Variants in PPP2R5C observed in about 807,000 individuals in gnomAD.
PPP2R5C encodes the protein serine/threonine-protein phosphatase 2A 56 kDa regulatory subunit gamma isoform.
Under a neutral mutation model 68.9 loss-of-function variants are expected in PPP2R5C, and 7 were observed. The ratio of observed to expected loss-of-function variants is 0.10; its 90% CI spans 0.06 to 0.19. PPP2R5C has a LOEUF of 0.19. PPP2R5C is among the 10% of genes least tolerant of loss of function. The probability of loss-of-function intolerance (pLI) is 1.00; values close to 1 mark genes in which losing one functional copy is unlikely to be tolerated. For missense variants in PPP2R5C, 348 were observed against 641.3 expected (o/e 0.54, Z 4.94); for synonymous variants, 210 against 222.2 (o/e 0.95, Z 0.49).
chr14:101,810,109 A>G (rs2039264917), intron 1 of PPP2R5C: 3 of 1,390,100 alleles, frequency 2.2e-6, no homozygotes, highest in African/African-American at 2.9e-5. Flanking sequence ...TGCTTCAGAT[A>G]AGAAAAGCAG....
intron 3 of PPP2R5C, among the ~76,000 whole-genome samples, chr14:101,799,769 G>T (rs1189320615): frequency 6.6e-6 from 1 of 152,104 alleles, no homozygotes; most frequent in African/African-American, 2.4e-5. Flanking sequence ...ATCTGTGTTG[G>T]TTCCATTTTC....
In PPP2R5C at chr14:101,815,721, G is replaced by A. The variant is rs1454403863; in HGVS notation, c.94+5685G>A. Among the ~76,000 whole-genome samples, 3 of 152,308 alleles carry A rather than the reference G, an allele frequency of 2.0e-5. No homozygotes were observed. In the East Asian group the frequency reaches 5.8e-4, roughly 29 times the overall value. ...GTCTCGCTTTGTCACCCAGGCTGGGGTGCAGTGGCGTGATCTCGGCTCACT... is the reference window on the plus strand; with the variant it reads ...GTCTCGCTTTGTCACCCAGGCTGGGATGCAGTGGCGTGATCTCGGCTCACT... On this transcript the variant is annotated intron_variant, in intron 1 of 13. Transcript: ENST00000334743.
At chr14:101,846,586 A>G (rs1238584519) in intron 1 of PPP2R5C, among the ~76,000 whole-genome samples, 1 of 152,222 alleles carries the variant, frequency 6.6e-6, no homozygotes, top group African/African-American at 2.4e-5. Context: ...TTTTGTAGAT[A>G]TATAGAAGTA....
At chr14:101,801,128 G>C (rs2038845208) in intron 3 of PPP2R5C, among the ~76,000 whole-genome samples, 1 of 152,140 alleles carries the variant, frequency 6.6e-6, no homozygotes, top group South Asian at 2.1e-4. Context: ...GAAGGAATAA[G>C]TTCTAGAATT....
intron 13 of PPP2R5C, among the ~76,000 whole-genome samples, chr14:101,923,198 C>T (rs1370581196): frequency 6.6e-6 from 1 of 152,206 alleles, no homozygotes; most frequent in Non-Finnish European, 1.5e-5. Flanking sequence ...TTATTCTCTG[C>T]TTTACACATC....
chr14:101,890,127 A>G, intron 5 of PPP2R5C, 110 bp from the exon 8 acceptor site: 5 of 999,590 alleles, frequency 5.0e-6, no homozygotes, highest in South Asian at 1.4e-5. Flanking sequence ...CAGTGTTTGC[A>G]CAAATAGATG....
intron 2 of PPP2R5C, among the ~76,000 whole-genome samples, chr14:101,771,969 C>T (rs777720032): frequency 4.6e-5 from 7 of 152,036 alleles, no homozygotes; most frequent in Non-Finnish European, 1.0e-4. Flanking sequence ...CTCAGTTGCA[C>T]GGGCCACATT....
At chr14:101,806,684 GC>G (rs1170808272), upstream of PPP2R5C, among the ~76,000 whole-genome samples, 1 of 152,146 alleles carries the variant, frequency 6.6e-6, no homozygotes, top group African/African-American at 2.4e-5. Context: ...TTAAGATCGG[GC>G]ATGGTGGCTC....
Position 101,882,345 on chromosome 14 carries a change from C to A in PPP2R5C, c.405+74C>A. On this transcript the variant is annotated intron_variant, in intron 3 of 13. Transcript: ENST00000334743. This position sits in a 1 kb window ranked among gnomAD's most constrained non-coding sequence, Gnocchi z 4.9. ...AATGGCCTGGGATCCACAGAGCGGG[C>A]GCACTGGTCTGGCCAGATGGACCTC... The A allele has an allele frequency of 2.5e-6, 3 of 1,207,130 alleles. No homozygotes were observed. The highest frequency in any genetic ancestry group is 2.5e-5 in the East Asian group (1 of 40,118). 74.8% of individuals were successfully genotyped at this position (1,207,130 alleles called of 1,614,324 possible). A position where few individuals can be genotyped will look rare whatever the true frequency, so the allele number is the denominator to read the frequency against.
At chr14:101,839,954 T>C (rs1349577037) in intron 1 of PPP2R5C, among the ~76,000 whole-genome samples, 1 of 152,186 alleles carries the variant, frequency 6.6e-6, no homozygotes, top group Non-Finnish European at 1.5e-5. Flanking sequence ...TTGGATTTTT[T>C]TTTTTCTATT....
chr14:101,917,943 A>G lies in PPP2R5C; in HGVS notation c.1439A>G (p.His480Arg), dbSNP rs563134626. Residue 480 changes from histidine to arginine, a missense_variant, in exon 13 of 14, where the codon CAT becomes CGT. Transcript: ENST00000334743. The surrounding 1 kb of genome is among the most constrained non-coding windows in gnomAD (Gnocchi z 4.4). ...AGAAAGACAGTGAAGGACGAGGCTC[A>G]TCAGGTAAAAGTGCACCGAGCTCAG... 1 of 1,613,768 alleles carries G rather than the reference A, an allele frequency of 6.2e-7. No homozygotes were observed. The highest frequency in any genetic ancestry group is 2.2e-5 in the East Asian group (1 of 44,876).
rs1485091997 is a variant in PPP2R5C, at chr14:101,891,993, G to C, written c.690-1007G>C. ...TGTTTTTGAGATAGAGTCTCGCTCT[G>C]TCACCGAGGCTGGAGTGCAGTGGCC... On this transcript the variant is annotated intron_variant, in intron 6 of 13. Coordinates refer to ENST00000334743, the Ensembl canonical transcript of PPP2R5C. The surrounding 1 kb of genome is among the most constrained non-coding windows in gnomAD (Gnocchi z 4.9). Among the ~76,000 whole-genome samples the C allele has an allele frequency of 6.6e-6, 1 of 152,208 alleles. No homozygotes were observed. Among genetic ancestry groups the C allele is most frequent in the Non-Finnish European group, 1.5e-5 (1 of 68,032 alleles).
intron 2 of PPP2R5C, among the ~76,000 whole-genome samples, chr14:101,875,031 C>T (rs1371734172): frequency 6.6e-5 from 10 of 152,206 alleles, no homozygotes; most frequent in South Asian, 2.1e-4. Flanking sequence ...TGAGCCACCG[C>T]GCCTAGCCCG....
chr14:101,861,178 A>G (rs974658290), intron 2 of PPP2R5C, among the ~76,000 whole-genome samples: 2 of 152,240 alleles, frequency 1.3e-5, no homozygotes, highest in Non-Finnish European at 2.9e-5. Flanking sequence ...CTAAAGAGTT[A>G]AGGTTAGGGG....
At chr14:101,768,648 A>G (rs1364118992) in intron 2 of PPP2R5C, among the ~76,000 whole-genome samples, 2 of 152,026 alleles carry the variant, frequency 1.3e-5, no homozygotes, top group Admixed American at 1.3e-4. Context: ...TAGCCTGTGA[A>G]AAACTCCCCA....
chr14:101,871,228 T>TTTGTTGTTG (rs1555395078), intron 2 of PPP2R5C, among the ~76,000 whole-genome samples: 21 of 117,576 alleles, frequency 1.8e-4, no homozygotes, highest in South Asian at 1.1e-3. Flanking sequence ...TGTTTTGGTT[T>TTTGTTGTTG]TTGTTGTTGT....
At chr14:101,896,003 T>G (rs956484085) in intron 8 of PPP2R5C, among the ~76,000 whole-genome samples, 1 of 152,016 alleles carries the variant, frequency 6.6e-6, no homozygotes, top group African/African-American at 2.4e-5. Context: ...TGCTGTTGCT[T>G]TCTTTTTATT....
intron 2 of PPP2R5C, among the ~76,000 whole-genome samples, chr14:101,774,588 T>C (rs1317544423): frequency 6.6e-6 from 1 of 152,182 alleles, no homozygotes; most frequent in Non-Finnish European, 1.5e-5. Context: ...TGCTTTGTGG[T>C]TGCCAGATGG....
intron 2 of PPP2R5C, among the ~76,000 whole-genome samples, chr14:101,869,652 G>C (rs1258447403): frequency 2.0e-5 from 3 of 151,978 alleles, no homozygotes; most frequent in Non-Finnish European, 4.4e-5. Context: ...AATTATGCCA[G>C]GCTTGTTTGT....
Sources: gnomAD v4.1 joint callset for allele counts (sites outside exome capture counted in the v4.1 genomes callset) on GRCh38, gnomAD v4.1.1 for gene constraint, Gnocchi (gnomAD v3.1) non-coding constraint, MANE v1.5 for transcripts, NCBI Gene and HGNC (gene_info 2026-07-23, HGNC 2026-07-21) for gene names.